Variants in RSAD1 observed in about 807,000 individuals in gnomAD.
RSAD1 encodes the protein radical S-adenosyl methionine domain-containing protein 1, mitochondrial.
In RSAD1, 34 loss-of-function variants were observed where a neutral mutation model predicts 46.2. The ratio of observed to expected loss-of-function variants is 0.74; its 90% CI spans 0.56 to 0.98. RSAD1 has a LOEUF of 0.98. RSAD1 is among the 50% of genes least tolerant of loss of function. The pLI is 0.00. For missense variants in RSAD1, 635 were observed against 592.3 expected, an observed-to-expected ratio of 1.07 and a Z score of -0.75; for synonymous variants, 260 against 253.5, an observed-to-expected ratio of 1.03 and a Z score of -0.24.
In RSAD1 at chr17:50,485,046, G is replaced by C; in HGVS notation, c.*185G>C. On this transcript the variant is annotated 3_prime_UTR_variant, in exon 9 of 9. Transcript: ENST00000258955. ...GAGGACATTTCTGGTCAGGGAACTG[G>C]CATCCCATTCAGCATCTCAGGACTC... 1.7e-6 allele frequency: 1 copy of C among 589,514 alleles called. No homozygotes were observed. The highest frequency in any genetic ancestry group is 2.1e-5 in the South Asian group (1 of 48,110). 36.5% of individuals were successfully genotyped at this position (589,514 alleles called of 1,614,324 possible).
At chr17:50,479,569 A>G in intron 1 of RSAD1, 60 bp from the exon 2 acceptor site, 2 of 1,606,448 alleles carry the variant, frequency 1.2e-6, no homozygotes, top group Non-Finnish European at 1.7e-6. Context: ...GGTGTGTGCG[A>G]CTGAACCCTG....
At chr17:50,484,596 T>C (rs1373530972) in intron 8 of RSAD1, 51 bp downstream of exon 8, 1 of 1,577,114 alleles carries the variant, frequency 6.3e-7, no homozygotes, top group Non-Finnish European at 8.7e-7. Flanking sequence ...CAGGGAGCCC[T>C]GACTACAGCT....
chr17:50,484,464 A>T lies in RSAD1; in HGVS notation c.1130A>T (p.Gln377Leu), dbSNP rs2033425140. 3 of 1,613,684 alleles carry T rather than the reference A, an allele frequency of 1.9e-6. No individual in the cohort carries two copies. The highest frequency in any genetic ancestry group is 3.3e-5 in the Admixed American group (2 of 60,024). Residue 377 changes from glutamine to leucine, a missense_variant, in exon 8 of 9, where the codon CAG becomes CTG. Coordinates refer to ENST00000258955, the MANE Select transcript of RSAD1 (RefSeq NM_018346.3). The stretch of plus-strand genomic sequence containing the variant: ...CAGCACTGGCAGCAGTTTGAGCCCC[A>T]GCTGACCCTGTGGGATGTGTTTGGA... ...THQHWQQFEP[Q>L]LTLWDVFGAN...
intron 5 of RSAD1, among the ~76,000 whole-genome samples, 155 bp downstream of exon 5, chr17:50,482,861 T>C (rs2033398831): frequency 6.6e-6 from 1 of 152,124 alleles, no homozygotes; most frequent in South Asian, 2.1e-4. Context: ...GCATGAATTA[T>C]AAGGGGCTTA....
chr17:50,479,425 A>T, intron 1 of RSAD1: 1 of 588,602 alleles, frequency 1.7e-6, no homozygotes, highest in Non-Finnish European at 2.9e-6. Flanking sequence ...AGCGTAACAA[A>T]GGAGTGAGCC....
intron 3 of RSAD1, 85 bp downstream of exon 3, chr17:50,480,169 CATTG>C (rs765772428): frequency 1.8e-5 from 26 of 1,427,246 alleles, no homozygotes; most frequent in African/African-American, 4.2e-5. Flanking sequence ...ATTGGGCAAA[CATTG>C]ATTGAGCACC....
In RSAD1 at chr17:50,482,134, C is replaced by T. The variant is rs777439942; in HGVS notation, c.518C>T (p.Ser173Leu). Residue 173 changes from serine to leucine, a missense_variant, in exon 4 of 9, where the codon TCG (serine) becomes TTG (leucine). Transcript: ENST00000258955. ...CTCCGGCTGTTGGGACGGACGCACT[C>T]GGCCTGCGATGCTCTGCGGACGCTG... ...TELRLLGRTH[S>L]ACDALRTLAE... 3.3e-5 allele frequency: 52 copies of T among 1,590,044 alleles called. No individual in the cohort carries two copies. Among genetic ancestry groups the T allele is most frequent in the East Asian group, 4.5e-5 (2 of 44,326 alleles).
At position 50,482,279 on chromosome 17, in the gene RSAD1, C is replaced by T. The variant is rs1426056673; in HGVS notation, c.663C>T (p.Asp221=). The change falls in exon 4 of 9, where the codon GAC becomes GAT. Residue 221 remains aspartate, a synonymous_variant. Transcript: ENST00000258955. ...QLQELLHHCD[D]HLSLYQLSLE... ...AGGAACTGCTGCACCACTGTGATGACCACCTCTCCCTCTACCAGCTGTCCC... is the reference window on the plus strand; with the variant it reads ...AGGAACTGCTGCACCACTGTGATGATCACCTCTCCCTCTACCAGCTGTCCC... 6.3e-7 allele frequency: 1 copy of T among 1,595,906 alleles called. No individual in the cohort carries two copies. Among genetic ancestry groups the T allele is most frequent in the East Asian group, 2.2e-5 (1 of 44,610 alleles).
chr17:50,480,565 G>C (rs2033369868), intron 3 of RSAD1: 1 of 183,884 alleles, frequency 5.4e-6, no homozygotes, highest in Admixed American at 5.3e-5. Flanking sequence ...ACAGGCCATG[G>C]AAGAGCCTGG....
Position 50,482,118 on chromosome 17 carries a change from T to G in RSAD1, c.502T>G (p.Leu168Val), listed in dbSNP as rs1483078117. The G allele has an allele frequency of 1.9e-6, 3 of 1,583,408 alleles. No homozygotes were observed. The African/African-American group carries it at 4.1e-5, about 21-fold the overall frequency. Residue 168 changes from leucine (L) to valine (V), a missense_variant, in exon 4 of 9, where the codon TTG becomes GTG. Leu to Val is a conservative substitution (Grantham distance 32). Transcript: ENST00000258955. Reference protein sequence around the residue: ...QSLDDTELRLLGRTHSACDAL... With the variant: ...QSLDDTELRLVGRTHSACDAL... ...CCTAGATGACACTGAGCTCCGGCTG[T>G]TGGGACGGACGCACTCGGCCTGCGA...
rs180874600 is a variant in RSAD1 at position 50,479,802 on chromosome 17, T to G, written c.269+40T>G. 2.0e-4 allele frequency: 312 copies of G among 1,590,404 alleles called. No homozygotes were observed. In the African/African-American group the frequency reaches 3.6e-3, roughly 18 times the overall value. On this transcript the variant is annotated intron_variant, in intron 2 of 8. Coordinates refer to ENST00000258955, the MANE Select transcript of RSAD1 (RefSeq NM_018346.3). ...CTGTAGGCAGCGTTTTGGGAAATAT[T>G]TGGAGGAGTGGTGGGGGATAGGTGC...
intron 5 of RSAD1, 112 bp from the exon 6 acceptor site, chr17:50,483,228 T>C (rs1378198057): frequency 2.5e-5 from 20 of 813,724 alleles, no homozygotes; most frequent in Non-Finnish European, 3.2e-5. Context: ...AGAAAAATAA[T>C]TTATATTTCC....
At chr17:50,483,834 C>G in intron 7 of RSAD1, 74 bp downstream of exon 7, 3 of 1,388,814 alleles carry the variant, frequency 2.2e-6, no homozygotes, top group Non-Finnish European at 3.0e-6. Flanking sequence ...CCTGCCACCC[C>G]CCCCACACAC....
chr17:50,480,188 G>C (rs767655802), intron 3 of RSAD1, 104 bp downstream of exon 3: 1 of 1,202,538 alleles, frequency 8.3e-7, no homozygotes, highest in South Asian at 1.3e-5. Context: ...AGCACCTTCT[G>C]GGTGCCAGGG....
At chr17:50,483,545 C>G in intron 6 of RSAD1, 58 bp downstream of exon 6, 1 of 1,596,818 alleles carries the variant, frequency 6.3e-7, no homozygotes, top group African/African-American at 1.3e-5. Flanking sequence ...AAGACCATGT[C>G]TATTTGTATA....
At chr17:50,482,976 T>C (rs969798093) in intron 5 of RSAD1, among the ~76,000 whole-genome samples, 6 of 151,266 alleles carry the variant, frequency 4.0e-5, no homozygotes, top group African/African-American at 9.7e-5. Context: ...GAATTCCCAA[T>C]TGGACAGGGC....
rs771149980 is a variant in RSAD1, at chr17:50,485,186, C to T, written c.*325C>T. The T allele has an allele frequency of 1.2e-5, 4 of 334,604 alleles. No homozygotes were observed. The highest frequency in any genetic ancestry group is 8.6e-5 in the Admixed American group (2 of 23,382). 20.7% of individuals were successfully genotyped at this position (334,604 alleles called of 1,614,324 possible). On this transcript the variant is annotated 3_prime_UTR_variant, in exon 9 of 9. Coordinates refer to ENST00000258955, the MANE Select transcript of RSAD1 (RefSeq NM_018346.3). The stretch of plus-strand genomic sequence containing the variant: ...TTGGAAATCTTTCTACAGGCAATTA[C>T]CTCCCCAAGAGAAGCCTTCCTTATT...
intron 7 of RSAD1, chr17:50,484,054 AATAG>A: frequency 2.0e-6 from 1 of 488,188 alleles, no homozygotes; most frequent in South Asian, 3.1e-5. Context: ...TCTGTGAAGC[AATAG>A]ATAGATAAAG....
chr17:50,479,576 C>T (rs1598443181), intron 1 of RSAD1, 53 bp from the exon 2 acceptor site: 15 of 1,608,934 alleles, frequency 9.3e-6, no homozygotes, highest in Admixed American at 3.3e-5. Flanking sequence ...GCGACTGAAC[C>T]CTGGAAGTGG....
Sources: gnomAD v4.1 joint callset for allele counts (sites outside exome capture counted in the v4.1 genomes callset) on GRCh38, gnomAD v4.1.1 for gene constraint, MANE v1.5 for transcripts, NCBI Gene and HGNC (gene_info 2026-07-23, HGNC 2026-07-21) for gene names.